The following CCDC47 variants were observed in gnomAD, a reference collection of about 807,000 sequenced individuals.
CCDC47 encodes the protein PAT complex subunit CCDC47.
Under a neutral mutation model 60.5 loss-of-function variants are expected in CCDC47, and 41 were observed. That is an observed-to-expected ratio of 0.68 (90% CI 0.53 to 0.88). The LOEUF (loss-of-function observed/expected upper bound fraction) is 0.88, where lower values mean the gene tolerates loss of function less well. Ranked by LOEUF, CCDC47 falls within the 40% of genes least tolerant of loss-of-function variation. The pLI is 0.00. For synonymous variants in CCDC47, 195 were observed against 190.7 expected (o/e 1.02, Z -0.18); for missense variants, 513 against 580.9 (o/e 0.88, Z 1.20).
intron 1 of CCDC47, among the ~76,000 whole-genome samples, chr17:63,772,052 A>G (rs1296418531): frequency 6.6e-6 from 1 of 152,060 alleles, no homozygotes; most frequent in Non-Finnish European, 1.5e-5. Flanking sequence ...ACTGCACTCC[A>G]GCCTGGGCAA....
In CCDC47 at chr17:63,746,782, G is replaced by T; in HGVS notation, c.*99C>A. On this transcript the variant is annotated 3_prime_UTR_variant, in exon 13 of 13. Coordinates refer to ENST00000225726, the MANE Select transcript of CCDC47 (RefSeq NM_020198.3). Reference sequence around the variant, plus strand: ...AAGGATTTCTCAGTTGCCCAAGACTGTCTGAAATTTAAGGTTGAGAAATGG... The same window carrying T: ...AAGGATTTCTCAGTTGCCCAAGACTTTCTGAAATTTAAGGTTGAGAAATGG... 2 of 903,220 alleles carry T rather than the reference G, an allele frequency of 2.2e-6. No homozygotes were observed. The highest frequency in any genetic ancestry group is 2.5e-5 in the East Asian group (1 of 40,462). The allele number at this position is 903,220 out of a possible 1,614,324, so 56.0% of individuals were successfully genotyped here. A position where few individuals can be genotyped will look rare whatever the true frequency, so the allele number is the denominator to read the frequency against.
Position 63,764,866 on chromosome 17 carries a change from A to G in CCDC47, c.265-19T>C. The G allele has an allele frequency of 6.2e-7, 1 of 1,605,690 alleles. No individual in the cohort carries two copies. Among genetic ancestry groups the G allele is most frequent in the South Asian group, 1.1e-5 (1 of 88,954 alleles). ...CTCCCTCCTACAAAAATGAGGCATCATCCGTTTTCCTCTACAAATGTCACC... is the reference window on the plus strand; with the variant it reads ...CTCCCTCCTACAAAAATGAGGCATCGTCCGTTTTCCTCTACAAATGTCACC... On this transcript the variant is annotated intron_variant, in intron 2 of 12. Coordinates refer to ENST00000225726, the MANE Select transcript of CCDC47 (RefSeq NM_020198.3).
chr17:63,769,876 T>C (rs1162789856), intron 1 of CCDC47, among the ~76,000 whole-genome samples: 1 of 152,092 alleles, frequency 6.6e-6, no homozygotes, highest in Admixed American at 6.5e-5. Flanking sequence ...TTGGACAAGC[T>C]TGGTTTAGAA....
Position 63,746,030 on chromosome 17 carries a change from C to T in CCDC47, c.*851G>A, listed in dbSNP as rs568480818. 1 of 152,372 alleles carries T rather than the reference C, an allele frequency of 6.6e-6. No individual in the cohort carries two copies. The highest frequency in any genetic ancestry group is 2.1e-4 in the South Asian group (1 of 4,826). The allele number at this position is 152,372 out of a possible 1,614,324, so 9.4% of individuals were successfully genotyped here. A position where few individuals can be genotyped will look rare whatever the true frequency, so the allele number is the denominator to read the frequency against. On this transcript the variant is annotated 3_prime_UTR_variant, in exon 13 of 13. Transcript: ENST00000225726. The stretch of plus-strand genomic sequence containing the variant: ...ATAGAGAACAGAGCTTCTCCATGAA[C>T]ATCCACCAGGCTGCAGCAACCAAGA...
chr17:63,763,815 T>C (rs1474147141), intron 4 of CCDC47, among the ~76,000 whole-genome samples: 1 of 149,928 alleles, frequency 6.7e-6, no homozygotes, highest in Non-Finnish European at 1.5e-5. Context: ...AGAGTGAGAC[T>C]CCATCTCAAA....
Position 63,746,831 on chromosome 17 carries a change from T to G in CCDC47, c.*50A>C. ...GGACTGGCGTTTTTCATGTTTCCTG[T>G]GAATTCAGAGCTTACAGGTGGCATC... On this transcript the variant is annotated 3_prime_UTR_variant, in exon 13 of 13. Coordinates refer to ENST00000225726, the MANE Select transcript of CCDC47 (RefSeq NM_020198.3). 7.3e-7 allele frequency: 1 copy of G among 1,362,896 alleles called. No individual in the cohort carries two copies. Among genetic ancestry groups the G allele is most frequent in the Non-Finnish European group, 1.0e-6 (1 of 952,936 alleles). 84.4% of individuals were successfully genotyped at this position (1,362,896 alleles called of 1,614,324 possible).
rs112088026 is a variant in CCDC47 at position 63,771,238 on chromosome 17, C to T, written c.-20+2174G>A. ...AGGCAAGAACAGTTAAAAAAAAATA[C>T]AATTAAATTAGGTATTATAAGTAAT... On this transcript the variant is annotated intron_variant, in intron 1 of 12. Transcript: ENST00000225726. Among the ~76,000 whole-genome samples the T allele has an allele frequency of 9.3e-3, 1,409 of 151,598 alleles. 23 individuals carry two copies. The highest frequency in any genetic ancestry group is 0.032 in the African/African-American group (1,318 of 41,292).
rs142323245 is a variant in CCDC47, at chr17:63,749,255, A to T, written c.1372-2294T>A. Among the ~76,000 whole-genome samples, 1,263 of 151,870 alleles carry T rather than the reference A, an allele frequency of 8.3e-3. 21 individuals are homozygous for T. The highest frequency in any genetic ancestry group is 0.029 in the African/African-American group (1,189 of 41,426). On this transcript the variant is annotated intron_variant, in intron 12 of 12. Transcript: ENST00000225726. ...AACCCCATTTCTACTAAAAAATACA[A>T]AAATTAGCCGGGCATGGAGGCAGGC...
rs1451533874 is a variant in CCDC47, at chr17:63,756,247, T to C, written c.941A>G (p.Asp314Gly). Residue 314 changes from aspartate (D) to glycine (G), a missense_variant, in exon 8 of 13, where the codon GAT (aspartate) becomes GGT (glycine). Physicochemically the swap from Asp to Gly is moderately conservative, Grantham distance 94. Transcript: ENST00000225726. The stretch of plus-strand genomic sequence containing the variant: ...GTCTTCTGTCGCATTTACCTTTGTA[T>C]CCATCATTCCGTCTGTGACTTCTCC... ...EMGEVTDGMMDTKMVHFLTHY... is the reference protein window; with the variant it reads ...EMGEVTDGMMGTKMVHFLTHY... 3 of 1,610,988 alleles carry C rather than the reference T, an allele frequency of 1.9e-6. No individual in the cohort carries two copies. In the South Asian group the frequency reaches 3.3e-5, roughly 18 times the overall value.
intron 4 of CCDC47, chr17:63,761,970 T>C: frequency 1.3e-6 from 1 of 753,436 alleles, no homozygotes. Context: ...TCAGTTGAAA[T>C]ATCTCTGCCA....
chr17:63,752,263 C>A (rs1175602792), intron 11 of CCDC47, 57 bp downstream of exon 11: 4 of 1,447,888 alleles, frequency 2.8e-6, no homozygotes, highest in Non-Finnish European at 3.9e-6. Flanking sequence ...CTGCCCTCCC[C>A]CTTGAGAAGA....
Position 63,761,290 on chromosome 17 carries a change from G to A in CCDC47, c.609C>T (p.His203=), listed in dbSNP as rs1728508371. 6.2e-7 allele frequency: 1 copy of A among 1,613,894 alleles called. No homozygotes were observed. Among genetic ancestry groups the A allele is most frequent in the Non-Finnish European group, 8.5e-7 (1 of 1,179,958 alleles). Residue 203 remains histidine (H), a synonymous_variant, in exon 5 of 13, where the codon CAC becomes CAT. Transcript: ENST00000225726. ...GACCAGAACACCACAGGTTATAGAT[G>A]TGCTCATTCTCCTGGTTCAACTTTC... ...STGKLNQENE[H]IYNLWCSGRV...
chr17:63,759,527 TTATATATATA>T (rs770930100), intron 6 of CCDC47, among the ~76,000 whole-genome samples: 128 of 3,946 alleles, frequency 0.032, 5 homozygotes, highest in Non-Finnish European at 0.039. Context: ...ATATATATAT[TTATATATATA>T]TATATATATA....
Position 63,759,517 on chromosome 17 carries a change from ATATATATATT to A in CCDC47, c.735+1387_735+1396del, listed in dbSNP as rs1392655305. On this transcript the variant is annotated intron_variant, in intron 6 of 12. Coordinates refer to ENST00000225726, the MANE Select transcript of CCDC47 (RefSeq NM_020198.3). ...AAAAAAAAAAAAAAAAAATATATAT[ATATATATATT>A]TATATATATATATATATATATATAT... 1.3e-3 allele frequency among the ~76,000 whole-genome samples: 25 copies of A among 18,906 alleles called. 3 individuals carry two copies. The highest frequency in any genetic ancestry group is 3.5e-3 in the African/African-American group (6 of 1,708). 12.4% of individuals were successfully genotyped at this position (18,906 alleles called of 152,430 possible). A position where few individuals can be genotyped will look rare whatever the true frequency, so the allele number is the denominator to read the frequency against.
In CCDC47 at chr17:63,765,630, G is replaced by A. The variant is rs868210461; in HGVS notation, c.264+282C>T. The A allele has an allele frequency of 4.9e-5, 53 of 1,090,382 alleles. 1 individual carries two copies. The highest frequency in any genetic ancestry group is 1.3e-4 in the South Asian group (4 of 31,752). The allele number at this position is 1,090,382 out of a possible 1,614,324, so 67.5% of individuals were successfully genotyped here. On this transcript the variant is annotated intron_variant, in intron 2 of 12. Coordinates refer to ENST00000225726, the MANE Select transcript of CCDC47 (RefSeq NM_020198.3). ...GCTGGGATTACAGGCATGAGCCACC[G>A]TGCCCAGCCAATTGCAAAGTTCTAA...
intron 1 of CCDC47, chr17:63,766,958 T>C (rs2039302408): frequency 2.0e-6 from 2 of 983,788 alleles, no homozygotes; most frequent in South Asian, 4.7e-5. Flanking sequence ...AACATAATTA[T>C]CATAAGAGCA....
chr17:63,747,718 C>T (rs1051435844), intron 12 of CCDC47: 6 of 984,804 alleles, frequency 6.1e-6, no homozygotes, highest in African/African-American at 1.7e-5. Context: ...GAAATATACT[C>T]AACTGGTACA....
At position 63,759,511 on chromosome 17, in the gene CCDC47, ATATATATATATATATTTATATATATATAT is replaced by A. The variant is rs2039235643; in HGVS notation, c.735+1374_735+1402del. Among the ~76,000 whole-genome samples the A allele has an allele frequency of 6.0e-4, 14 of 23,448 alleles. 3 individuals are homozygous for A. Among genetic ancestry groups the A allele is most frequent in the East Asian group, 1.5e-3 (1 of 676 alleles). 15.4% of individuals were successfully genotyped at this position (23,448 alleles called of 152,430 possible). On this transcript the variant is annotated intron_variant, in intron 6 of 12. Coordinates refer to ENST00000225726, the MANE Select transcript of CCDC47 (RefSeq NM_020198.3). ...CTCCCAAAAAAAAAAAAAAAAAAATATATATATATATATATTTATATATATATATATATATATATATATATATATATATA... is the reference window on the plus strand; with the variant it reads ...CTCCCAAAAAAAAAAAAAAAAAAATAATATATATATATATATATATATATA...
chr17:63,756,545 T>C lies in CCDC47; in HGVS notation c.761A>G (p.Glu254Gly). The C allele has an allele frequency of 1.2e-6, 2 of 1,613,412 alleles. No individual in the cohort carries two copies. The highest frequency in any genetic ancestry group is 1.7e-6 in the Non-Finnish European group (2 of 1,179,336). The change falls in exon 7 of 13, where the codon GAA becomes GGA. Residue 254 changes from glutamate to glycine, a missense_variant. Glu to Gly is a moderately conservative substitution (Grantham distance 98). Coordinates refer to ENST00000225726, the MANE Select transcript of CCDC47 (RefSeq NM_020198.3). ...AGCAAATACGTAGGTATCCATGTCT[T>C]CATCATTCATGGTTACTTTTATTTG... ...QVQIKVTMNDEDMDTYVFAVG... is the reference protein window; with the variant it reads ...QVQIKVTMNDGDMDTYVFAVG...
Sources: allele counts gnomAD v4.1 joint callset (sites outside exome capture counted in the v4.1 genomes callset), GRCh38; gene constraint gnomAD v4.1.1; transcripts MANE v1.5; gene names NCBI Gene and HGNC (gene_info 2026-07-23, HGNC 2026-07-21).